Variants in CCSER1 observed in about 807,000 individuals in gnomAD.
The protein encoded by CCSER1 is serine-rich coiled-coil domain-containing protein 1.
CCSER1 carries 41 observed loss-of-function variants against 82.0 expected under a neutral mutation model. The ratio of observed to expected loss-of-function variants is 0.50; its 90% confidence interval spans 0.39 to 0.65. The LOEUF (loss-of-function observed/expected upper bound fraction) is 0.65. Among genes scored for constraint, CCSER1 ranks in the 30% least tolerant of loss-of-function variants. CCSER1 has a pLI of 0.00. For missense variants in CCSER1, 1,119 were observed against 1,064.2 expected (o/e 1.05, Z -0.72); for synonymous variants, 414 against 383.9 (o/e 1.08, Z -0.92).
At chr4:90,522,193 A>T (rs1163306466) in intron 5 of CCSER1, among the ~76,000 whole-genome samples, 1 of 152,128 alleles carries the variant, frequency 6.6e-6, no homozygotes, top group African/African-American at 2.4e-5. Flanking sequence ...TTCCTCCTGT[A>T]TTCTCATTTG....
chr4:90,181,534 T>G (rs1302277109), intron 1 of CCSER1, among the ~76,000 whole-genome samples: 1 of 151,848 alleles, frequency 6.6e-6, no homozygotes, highest in Non-Finnish European at 1.5e-5. Flanking sequence ...AAAATAATAT[T>G]TAAGAAAGAA....
intron 10 of CCSER1, among the ~76,000 whole-genome samples, chr4:91,369,723 C>A (rs1227027949): frequency 8.3e-6 from 1 of 120,060 alleles, no homozygotes; most frequent in Non-Finnish European, 1.6e-5. Flanking sequence ...GGCTGGAGTG[C>A]AGTGGCACGA....
chr4:91,094,742 C>T (rs945527042), intron 10 of CCSER1, among the ~76,000 whole-genome samples: 4 of 152,044 alleles, frequency 2.6e-5, no homozygotes, highest in South Asian at 2.1e-4. Context: ...TCAGGGCCAT[C>T]GCTTAGCTAG....
chr4:90,897,588 G>A (rs985077269), intron 8 of CCSER1, among the ~76,000 whole-genome samples: 2 of 152,014 alleles, frequency 1.3e-5, no homozygotes, highest in African/African-American at 4.8e-5. Context: ...GAATAGTGCT[G>A]CAGTAAACAT....
intron 10 of CCSER1, among the ~76,000 whole-genome samples, chr4:91,304,264 C>T (rs183615454): frequency 6.6e-6 from 1 of 151,808 alleles, no homozygotes; most frequent in African/African-American, 2.4e-5. Flanking sequence ...TAAAAGATAA[C>T]AAAACCACAA....
intron 10 of CCSER1, among the ~76,000 whole-genome samples, chr4:91,477,480 T>G (rs1191661241): frequency 6.6e-6 from 1 of 151,402 alleles, no homozygotes; most frequent in Non-Finnish European, 1.5e-5. Flanking sequence ...ATAGCTCCAA[T>G]TTTTTTTATT....
intron 7 of CCSER1, among the ~76,000 whole-genome samples, chr4:90,786,493 C>T (rs973997162): frequency 8.0e-6 from 1 of 125,170 alleles, no homozygotes; most frequent in African/African-American, 3.4e-5. Context: ...AATCATTTTA[C>T]TCAAAGTTTA....
chr4:91,533,443 C>T (rs535008538), intron 10 of CCSER1, among the ~76,000 whole-genome samples: 2 of 152,080 alleles, frequency 1.3e-5, no homozygotes, highest in African/African-American at 4.8e-5. Context: ...CTTCTTTATC[C>T]TTCCCAAAGG....
intron 10 of CCSER1, among the ~76,000 whole-genome samples, chr4:91,231,930 G>T (rs773051737): frequency 6.6e-6 from 1 of 151,744 alleles, no homozygotes; most frequent in Non-Finnish European, 1.5e-5. Context: ...ATCCTAAGTT[G>T]AGGGACTGTT....
At chr4:90,334,776 T>C (rs1322021617) in intron 3 of CCSER1, among the ~76,000 whole-genome samples, 1 of 152,184 alleles carries the variant, frequency 6.6e-6, no homozygotes, top group African/African-American at 2.4e-5. Flanking sequence ...TATTTATATT[T>C]TGGCTATTTT....
At chr4:90,658,141 G>A (rs1373878371) in intron 6 of CCSER1, among the ~76,000 whole-genome samples, 1 of 151,906 alleles carries the variant, frequency 6.6e-6, no homozygotes, top group Non-Finnish European at 1.5e-5. Context: ...AACTCTCTAT[G>A]TAGATCTCCT....
chr4:90,953,746 C>T (rs760416291), intron 9 of CCSER1, among the ~76,000 whole-genome samples: 13 of 151,828 alleles, frequency 8.6e-5, no homozygotes, highest in Non-Finnish European at 1.0e-4. Context: ...TGTATTGACT[C>T]ACATTTTTTG....
chr4:90,128,808 G>A (rs1722314128), intron 1 of CCSER1, among the ~76,000 whole-genome samples: 1 of 151,868 alleles, frequency 6.6e-6, no homozygotes, highest in African/African-American at 2.4e-5. Flanking sequence ...TCCTTTTAGT[G>A]TATCCTGAAC....
At chr4:91,256,320 A>G (rs1740679635) in intron 10 of CCSER1, among the ~76,000 whole-genome samples, 1 of 152,192 alleles carries the variant, frequency 6.6e-6, no homozygotes, top group Non-Finnish European at 1.5e-5. Context: ...GATGTTTATC[A>G]ATGACAATGC....
At chr4:90,204,935 A>T (rs529639057) in intron 1 of CCSER1, among the ~76,000 whole-genome samples, 12 of 152,210 alleles carry the variant, frequency 7.9e-5, no homozygotes, top group African/African-American at 2.9e-4. Context: ...ATTCCTAGGT[A>T]TTTAATTCTC....
chr4:90,276,508 G>A (rs777040754), intron 1 of CCSER1, among the ~76,000 whole-genome samples: 1 of 151,506 alleles, frequency 6.6e-6, no homozygotes, highest in African/African-American at 2.4e-5. Context: ...ACCATGCCCA[G>A]CTAACTTTTG....
intron 9 of CCSER1, among the ~76,000 whole-genome samples, chr4:91,003,725 C>G (rs1738251684): frequency 6.6e-6 from 1 of 152,122 alleles, no homozygotes. Flanking sequence ...CTCCCCCAAG[C>G]TCTGGCCAGG....
At chr4:90,261,221 T>C (rs1433121164) in intron 1 of CCSER1, among the ~76,000 whole-genome samples, 5 of 151,634 alleles carry the variant, frequency 3.3e-5, no homozygotes, top group Non-Finnish European at 7.4e-5. Context: ...TTTCAGGAGG[T>C]TCTATTTTGG....
intron 4 of CCSER1, among the ~76,000 whole-genome samples, chr4:90,463,315 T>C (rs1191025110): frequency 6.6e-6 from 1 of 152,200 alleles, no homozygotes; most frequent in Non-Finnish European, 1.5e-5. Context: ...AGTTGATATA[T>C]TTAAATGAGA....
Sources: allele counts gnomAD v4.1 joint callset (sites outside exome capture counted in the v4.1 genomes callset), GRCh38; gene constraint gnomAD v4.1.1; transcripts MANE v1.5; gene names NCBI Gene and HGNC (gene_info 2026-07-23, HGNC 2026-07-21).